Variants in CALN1 observed in about 807,000 individuals in gnomAD.
CALN1 encodes the protein calneuron 1.
A neutral mutation model predicts 30.6 loss-of-function variants in CALN1; 17 were observed. That is an observed-to-expected ratio of 0.56 (90% CI 0.38 to 0.83). The LOEUF (loss-of-function observed/expected upper bound fraction) is 0.83. Among genes scored for constraint, CALN1 ranks in the 40% least tolerant of loss-of-function variants. The probability of loss-of-function intolerance (pLI) is 0.00; values close to 1 mark genes in which losing one functional copy is unlikely to be tolerated. For missense variants in CALN1, 291 were observed against 354.9 expected, an observed-to-expected ratio of 0.82 and a Z score of 1.45; for synonymous variants, 156 against 131.4, an observed-to-expected ratio of 1.19 and a Z score of -1.28.
rs183496668 is a variant in CALN1, at chr7:72,168,881, T to C, written c.245-62587A>G. ...AGTGCAGTGATGACACTGCGGCTCA[T>C]TGCAACCTCCGCCTCCCAGGTTCAA... On this transcript the variant is annotated intron_variant, in intron 3 of 6. Coordinates refer to ENST00000395275, the MANE Select transcript of CALN1 (RefSeq NM_031468.4). 1.7e-3 allele frequency among the ~76,000 whole-genome samples: 255 copies of C among 150,618 alleles called. 2 individuals carry two copies. The highest frequency in any genetic ancestry group is 6.1e-3 in the African/African-American group (249 of 41,080).
intron 2 of CALN1, among the ~76,000 whole-genome samples, chr7:72,323,735 A>G (rs1289587273): frequency 1.3e-5 from 2 of 152,064 alleles, no homozygotes; most frequent in African/African-American, 4.8e-5. Context: ...GCCTTCCCCA[A>G]ACTCAACGAT....
chr7:71,989,157 G>T (rs1237018910), intron 5 of CALN1, among the ~76,000 whole-genome samples: 5 of 152,188 alleles, frequency 3.3e-5, no homozygotes, highest in Admixed American at 2.6e-4. Flanking sequence ...GAGATGACTG[G>T]CTGGGCACGG....
At chr7:71,837,596 C>T (rs529727244) in intron 5 of CALN1, among the ~76,000 whole-genome samples, 10 of 152,110 alleles carry the variant, frequency 6.6e-5, no homozygotes, top group South Asian at 4.1e-4. Context: ...ATCAGTTATG[C>T]GAGAGCTCAA....
At chr7:72,407,797 G>C (rs554332432) in intron 1 of CALN1, among the ~76,000 whole-genome samples, 3 of 152,100 alleles carry the variant, frequency 2.0e-5, no homozygotes, top group African/African-American at 7.2e-5. Context: ...ATGGGCGCTG[G>C]ACTGGACACA....
At chr7:72,369,359 T>TTTTTGTTGTTGTTGTTG (rs3030372) in intron 2 of CALN1, among the ~76,000 whole-genome samples, 5 of 146,712 alleles carry the variant, frequency 3.4e-5, no homozygotes, top group African/African-American at 1.0e-4. Context: ...TATTTATTTT[T>TTTTTGTTGTTGTTGTTG]TTGTTGTTGT....
chr7:72,053,647 T>A (rs200326268), intron 4 of CALN1, among the ~76,000 whole-genome samples: 4 of 147,216 alleles, frequency 2.7e-5, no homozygotes, highest in Non-Finnish European at 4.5e-5. Flanking sequence ...CTATTTTTTT[T>A]ATTTTATTTT....
At chr7:71,994,565 A>G (rs943561812) in intron 5 of CALN1, among the ~76,000 whole-genome samples, 1 of 151,108 alleles carries the variant, frequency 6.6e-6, no homozygotes, top group African/African-American at 2.4e-5. Context: ...GGTGTTATTC[A>G]TCTGGAGTAA....
intron 6 of CALN1, among the ~76,000 whole-genome samples, chr7:71,796,167 A>G (rs1786907642): frequency 6.6e-6 from 1 of 151,816 alleles, no homozygotes; most frequent in African/African-American, 2.4e-5. Flanking sequence ...TATTGTATGA[A>G]TATGTCATAC....
chr7:72,089,747 T>G (rs1483375692), intron 4 of CALN1, among the ~76,000 whole-genome samples: 1 of 152,112 alleles, frequency 6.6e-6, no homozygotes, highest in Non-Finnish European at 1.5e-5. Flanking sequence ...AAATCCACTA[T>G]GAGGACAGAG....
intron 3 of CALN1, among the ~76,000 whole-genome samples, chr7:72,201,042 A>T (rs1211611853): frequency 6.6e-6 from 1 of 152,212 alleles, no homozygotes; most frequent in East Asian, 1.9e-4. Context: ...GGTGCCCATC[A>T]ACAGTGGATT....
At position 71,784,975 on chromosome 7, in the gene CALN1, C is replaced by G. The variant is rs565949791; in HGVS notation, c.*2800G>C. 7.5e-6 allele frequency: 3 copies of G among 397,592 alleles called. No individual in the cohort carries two copies. Among genetic ancestry groups the G allele is most frequent in the Admixed American group, 8.8e-5 (2 of 22,706 alleles). 24.6% of individuals were successfully genotyped at this position (397,592 alleles called of 1,614,324 possible). A position where few individuals can be genotyped will look rare whatever the true frequency, so the allele number is the denominator to read the frequency against. On this transcript the variant is annotated 3_prime_UTR_variant, in exon 7 of 7. Coordinates refer to ENST00000395275, the MANE Select transcript of CALN1 (RefSeq NM_031468.4). Reference sequence around the variant, plus strand: ...CCTGACAAGGAAGGCTTCCCTATACCCAAGACAAACTGTCCAAGCAAAGCA... The same window carrying G: ...CCTGACAAGGAAGGCTTCCCTATACGCAAGACAAACTGTCCAAGCAAAGCA...
At chr7:71,919,757 T>TAC (rs755658404) in intron 5 of CALN1, among the ~76,000 whole-genome samples, 216 of 151,990 alleles carry the variant, frequency 1.4e-3, no homozygotes, top group African/African-American at 4.2e-3. Flanking sequence ...CCCCTACACA[T>TAC]ACACACACAC....
At chr7:72,277,829 A>G (rs550514319) in intron 3 of CALN1, among the ~76,000 whole-genome samples, 1 of 152,274 alleles carries the variant, frequency 6.6e-6, no homozygotes, top group Non-Finnish European at 1.5e-5. Context: ...ATGTGGGCCA[A>G]CTGGGGTAAT....
At chr7:72,214,822 T>C (rs2129548458) in intron 3 of CALN1, among the ~76,000 whole-genome samples, 1 of 151,960 alleles carries the variant, frequency 6.6e-6, no homozygotes, top group East Asian at 1.9e-4. Context: ...TAGATTCTCA[T>C]AGGAGCACAA....
chr7:72,479,552 ATT>A, the CALN1 span, among the ~76,000 whole-genome samples: 4,687 of 130,668 alleles, frequency 0.036, 77 homozygotes, highest in Middle Eastern at 0.064. Context: ...TTATAGCACA[ATT>A]TTTTTTTTTT....
At chr7:72,290,682 T>C (rs1395417641) in intron 2 of CALN1, among the ~76,000 whole-genome samples, 1 of 152,246 alleles carries the variant, frequency 6.6e-6, no homozygotes, top group Non-Finnish European at 1.5e-5. Flanking sequence ...TCTTTTTAAT[T>C]GTTCACATTT....
chr7:72,490,790 G>A, the CALN1 span, among the ~76,000 whole-genome samples: 2 of 152,142 alleles, frequency 1.3e-5, no homozygotes. Context: ...AGGCCTCCCA[G>A]CCATGCTTCC....
intron 2 of CALN1, among the ~76,000 whole-genome samples, chr7:72,369,744 C>G (rs1804109032): frequency 6.6e-6 from 1 of 152,116 alleles, no homozygotes; most frequent in Non-Finnish European, 1.5e-5. Flanking sequence ...CCTATATGTA[C>G]TTTTGTTGTC....
chr7:72,467,834 C>T, the CALN1 span, among the ~76,000 whole-genome samples: 187 of 152,300 alleles, frequency 1.2e-3, 6 homozygotes, highest in South Asian at 0.036. Context: ...AACATTGCAT[C>T]GCCACAAAAG....
Sources: allele counts gnomAD v4.1 joint callset (sites outside exome capture counted in the v4.1 genomes callset), GRCh38; gene constraint gnomAD v4.1.1; transcripts MANE v1.5; gene names NCBI Gene and HGNC (gene_info 2026-07-23, HGNC 2026-07-21).